SLC4A10: variants seen among roughly 807,000 people sequenced by gnomAD.
SLC4A10 encodes the protein sodium-driven chloride bicarbonate exchanger.
Under a neutral mutation model 137.7 loss-of-function variants are expected in SLC4A10, and 42 were observed. The observed-to-expected ratio is 0.30, with a 90% CI of 0.24 to 0.39. SLC4A10 has a LOEUF of 0.39. Ranked by LOEUF, SLC4A10 falls within the 10% of genes least tolerant of loss-of-function variation. SLC4A10 has a pLI of 1.00. For synonymous variants in SLC4A10, 474 were observed against 464.1 expected (o/e 1.02, Z -0.27); for missense variants, 925 against 1,355.0 (o/e 0.68, Z 4.98).
At chr2:161,890,258 T>C (rs2062772961) in intron 10 of SLC4A10, among the ~76,000 whole-genome samples, 1 of 152,212 alleles carries the variant, frequency 6.6e-6, no homozygotes, top group Non-Finnish European at 1.5e-5. Flanking sequence ...GAAGAATGTA[T>C]ATTCCGTTGA....
chr2:161,688,885 T>G (rs1279815231), intron 1 of SLC4A10, among the ~76,000 whole-genome samples: 1 of 152,194 alleles, frequency 6.6e-6, no homozygotes, highest in Non-Finnish European at 1.5e-5. Flanking sequence ...ATAATGGAGC[T>G]GAAAAGTTCC....
At chr2:161,879,546 CTTTT>C (rs71408189) in intron 9 of SLC4A10, among the ~76,000 whole-genome samples, 1 of 125,056 alleles carries the variant, frequency 8.0e-6, no homozygotes, top group Non-Finnish European at 1.7e-5. Context: ...CATATGAATC[CTTTT>C]TTTTTTTTTT....
chr2:161,920,910 T>C (rs1037246847), intron 15 of SLC4A10, among the ~76,000 whole-genome samples: 6 of 152,242 alleles, frequency 3.9e-5, no homozygotes, highest in African/African-American at 1.2e-4. Flanking sequence ...GAATACAATA[T>C]GGTCCCTACT....
chr2:161,643,075 T>C (rs2035532401), intron 1 of SLC4A10, among the ~76,000 whole-genome samples: 1 of 152,006 alleles, frequency 6.6e-6, no homozygotes, highest in African/African-American at 2.4e-5. Context: ...TAACTAGAAA[T>C]GGTGAAAAGG....
At chr2:161,876,883 G>A (rs1328601514) in intron 8 of SLC4A10, among the ~76,000 whole-genome samples, 1 of 151,976 alleles carries the variant, frequency 6.6e-6, no homozygotes, top group Non-Finnish European at 1.5e-5. Context: ...ATAATGTAAT[G>A]TAATGAGTAT....
intron 2 of SLC4A10, among the ~76,000 whole-genome samples, chr2:161,782,055 A>T (rs114433255): frequency 6.4e-4 from 98 of 151,998 alleles, no homozygotes; most frequent in African/African-American, 2.3e-3. Flanking sequence ...CACCTGGGGG[A>T]GAATAGAGAT....
chr2:161,868,934 A>G (rs1327620870), intron 6 of SLC4A10, among the ~76,000 whole-genome samples: 2 of 151,636 alleles, frequency 1.3e-5, no homozygotes, highest in African/African-American at 2.4e-5. Context: ...CATTGCAATG[A>G]CATTCATTTA....
chr2:161,959,941 A>C (rs550267682), intron 21 of SLC4A10, among the ~76,000 whole-genome samples: 3 of 152,238 alleles, frequency 2.0e-5, no homozygotes, highest in African/African-American at 7.2e-5. Flanking sequence ...ATTTATGTCC[A>C]CCTGGAGTCT....
At chr2:161,699,676 A>G (rs2042934183) in intron 1 of SLC4A10, among the ~76,000 whole-genome samples, 1 of 152,168 alleles carries the variant, frequency 6.6e-6, no homozygotes, top group Non-Finnish European at 1.5e-5. Context: ...CAGGAAGTTA[A>G]AATTGAGGAT....
At chr2:161,859,353 C>T (rs2060283380) in intron 5 of SLC4A10, among the ~76,000 whole-genome samples, 1 of 144,894 alleles carries the variant, frequency 6.9e-6, no homozygotes, top group Non-Finnish European at 1.5e-5. Flanking sequence ...TGCAGTGGTG[C>T]GATCTCAGCT....
At chr2:161,915,723 C>G (rs1686970755) in intron 15 of SLC4A10, among the ~76,000 whole-genome samples, 1 of 152,186 alleles carries the variant, frequency 6.6e-6, no homozygotes, top group Non-Finnish European at 1.5e-5. Flanking sequence ...CACACTCATT[C>G]ACTCATGCAC....
intron 2 of SLC4A10, among the ~76,000 whole-genome samples, chr2:161,777,813 A>G (rs2052544197): frequency 6.6e-6 from 1 of 152,018 alleles, no homozygotes; most frequent in Non-Finnish European, 1.5e-5. Context: ...GTGGGGACAC[A>G]GAGCCAAACC....
intron 1 of SLC4A10, among the ~76,000 whole-genome samples, chr2:161,703,145 A>G (rs1043875406): frequency 7.3e-5 from 11 of 151,712 alleles, no homozygotes; most frequent in African/African-American, 2.7e-4. Context: ...AAACATTAAC[A>G]TCCTTTGATC....
chr2:161,845,615 T>A (rs1457890297), intron 4 of SLC4A10, among the ~76,000 whole-genome samples: 1 of 152,132 alleles, frequency 6.6e-6, no homozygotes, highest in African/African-American at 2.4e-5. Flanking sequence ...TTGGATTTTT[T>A]AAAATGTCAT....
chr2:161,735,237 A>T (rs183722280), intron 1 of SLC4A10, among the ~76,000 whole-genome samples: 55 of 150,658 alleles, frequency 3.7e-4, no homozygotes, highest in African/African-American at 1.3e-3. Flanking sequence ...AGTAATTTTG[A>T]ACTGTTTTAT....
At chr2:161,812,127 A>G (rs973071044) in intron 3 of SLC4A10, among the ~76,000 whole-genome samples, 1 of 152,114 alleles carries the variant, frequency 6.6e-6, no homozygotes, top group African/African-American at 2.4e-5. Context: ...AGGTTTATGT[A>G]TTTTAATCCT....
intron 2 of SLC4A10, among the ~76,000 whole-genome samples, chr2:161,788,781 A>G (rs2053903432): frequency 6.6e-6 from 1 of 152,046 alleles, no homozygotes; most frequent in African/African-American, 2.4e-5. Context: ...TGGGATGGGG[A>G]GACAGGTCCC....
chr2:161,836,479 CAG>C (rs1198392888), intron 3 of SLC4A10, among the ~76,000 whole-genome samples: 1 of 61,082 alleles, frequency 1.6e-5, no homozygotes, highest in Non-Finnish European at 3.3e-5. Context: ...GTGTGGGTGA[CAG>C]AGTGAAAGAA....
intron 1 of SLC4A10, among the ~76,000 whole-genome samples, chr2:161,684,283 C>T (rs1471049190): frequency 6.6e-6 from 1 of 152,160 alleles, no homozygotes; most frequent in Non-Finnish European, 1.5e-5. Context: ...TTTATTCATT[C>T]ATCTGCTGAC....
Sources: allele counts gnomAD v4.1 joint callset (sites outside exome capture counted in the v4.1 genomes callset), GRCh38; gene constraint gnomAD v4.1.1; transcripts MANE v1.5; gene names NCBI Gene and HGNC (gene_info 2026-07-23, HGNC 2026-07-21).